Variants in KCNH1 observed in about 807,000 individuals in gnomAD.
The protein encoded by KCNH1 is voltage-gated delayed rectifier potassium channel KCNH1.
In KCNH1, 27 loss-of-function variants were observed where a neutral mutation model predicts 69.2. The observed-to-expected ratio is 0.39, with a 90% confidence interval of 0.29 to 0.54. The LOEUF (loss-of-function observed/expected upper bound fraction) is 0.54, where lower values mean the gene tolerates loss of function less well. Among genes scored for constraint, KCNH1 ranks in the 20% least tolerant of loss-of-function variants. KCNH1 has a pLI of 0.68. For synonymous variants in KCNH1, 456 were observed against 487.7 expected (o/e 0.93, Z 0.86); for missense variants, 798 against 1,261.6 (o/e 0.63, Z 5.57).
intron 6 of KCNH1, among the ~76,000 whole-genome samples, chr1:210,970,337 TC>T (rs1370188851): frequency 6.7e-6 from 1 of 149,932 alleles, no homozygotes; most frequent in East Asian, 2.0e-4. Flanking sequence ...ATTGTTCAAC[TC>T]CCACTTATGA....
chr1:211,091,508 T>C (rs1255639411), intron 3 of KCNH1, among the ~76,000 whole-genome samples: 1 of 151,956 alleles, frequency 6.6e-6, no homozygotes. Context: ...AAAATAAAAA[T>C]CTAAAAGATC....
rs749290027 is a variant in KCNH1, at chr1:211,002,241, T to C, written c.1032+16542A>G. ...TTAGCATCAATGTTCAAAATATATA[T>C]GTATACGTATATATATACACACACA... On this transcript the variant is annotated intron_variant, in intron 6 of 10. Coordinates refer to ENST00000271751, the MANE Select transcript of KCNH1 (RefSeq NM_172362.3). Among the ~76,000 whole-genome samples, 6 of 149,350 alleles carry C rather than the reference T, an allele frequency of 4.0e-5. No homozygotes were observed. In the South Asian group the frequency reaches 1.1e-3, roughly 27 times the overall value.
At chr1:211,095,035 C>T (rs1033153609) in intron 3 of KCNH1, among the ~76,000 whole-genome samples, 1 of 152,206 alleles carries the variant, frequency 6.6e-6, no homozygotes, top group Non-Finnish European at 1.5e-5. Context: ...TCCATTCAGA[C>T]ACTGACTTTC....
chr1:210,821,417 G>A (rs998131345), intron 7 of KCNH1, among the ~76,000 whole-genome samples: 1 of 152,178 alleles, frequency 6.6e-6, no homozygotes, highest in African/African-American at 2.4e-5. Flanking sequence ...CACTTGGGAT[G>A]CCCCTGATCC....
At chr1:210,808,344 T>A (rs1485127759) in intron 7 of KCNH1, among the ~76,000 whole-genome samples, 1 of 152,152 alleles carries the variant, frequency 6.6e-6, no homozygotes, top group African/African-American at 2.4e-5. Flanking sequence ...GTCCATGATC[T>A]GAGAGAACCA....
intron 6 of KCNH1, among the ~76,000 whole-genome samples, chr1:210,962,027 A>G (rs1032453820): frequency 3.9e-5 from 6 of 152,068 alleles, no homozygotes; most frequent in African/African-American, 7.2e-5. Flanking sequence ...GTTTTTACAC[A>G]GGCCTGCTAT....
intron 1 of KCNH1, among the ~76,000 whole-genome samples, chr1:211,132,073 C>A (rs781755448): frequency 2.0e-5 from 3 of 152,194 alleles, no homozygotes; most frequent in Non-Finnish European, 2.9e-5. Flanking sequence ...ATGTAAGTTT[C>A]TCTTCCTGCT....
intron 10 of KCNH1, among the ~76,000 whole-genome samples, chr1:210,735,778 C>T (rs997578287): frequency 6.7e-6 from 1 of 150,004 alleles, no homozygotes; most frequent in African/African-American, 2.5e-5. Flanking sequence ...CATGCACATG[C>T]ATGCATGCAT....
chr1:211,105,050 G>A (rs373542874), intron 2 of KCNH1, among the ~76,000 whole-genome samples: 3 of 152,168 alleles, frequency 2.0e-5, no homozygotes, highest in Admixed American at 6.5e-5. Flanking sequence ...CCGTATCACA[G>A]TTGTTATCTT....
chr1:210,890,999 A>G (rs151123362), intron 7 of KCNH1, among the ~76,000 whole-genome samples: 2,853 of 152,318 alleles, frequency 0.019, 56 homozygotes, highest in South Asian at 0.071. Context: ...TCAAGAATCT[A>G]GAACTAGAAA....
intron 6 of KCNH1, among the ~76,000 whole-genome samples, chr1:210,954,085 G>C (rs1024935754): frequency 2.6e-5 from 4 of 151,734 alleles, no homozygotes; most frequent in African/African-American, 4.8e-5. Context: ...GCCCCAGTGT[G>C]TGATGTTCCC....
At chr1:210,827,507 T>C (rs1685057471) in intron 7 of KCNH1, among the ~76,000 whole-genome samples, 1 of 152,212 alleles carries the variant, frequency 6.6e-6, no homozygotes, top group Admixed American at 6.5e-5. Flanking sequence ...ATTTCTATGC[T>C]AAATGAGCTT....
chr1:210,806,836 A>AAAATATATATATAT (rs1553346591), intron 7 of KCNH1, among the ~76,000 whole-genome samples: 2 of 85,650 alleles, frequency 2.3e-5, no homozygotes, highest in East Asian at 4.2e-4. Context: ...AAAAAAAAAA[A>AAAATATATATATAT]ATATATATAT....
intron 7 of KCNH1, among the ~76,000 whole-genome samples, chr1:210,850,706 T>C (rs1685681752): frequency 6.6e-6 from 1 of 151,914 alleles, no homozygotes; most frequent in African/African-American, 2.4e-5. Flanking sequence ...GACACAGCAG[T>C]CTCAACAGCA....
intron 7 of KCNH1, among the ~76,000 whole-genome samples, chr1:210,899,983 C>T (rs1166459784): frequency 6.6e-6 from 1 of 152,204 alleles, no homozygotes; most frequent in African/African-American, 2.4e-5. Flanking sequence ...AAAGACCCAT[C>T]GTGAGGGAAG....
intron 7 of KCNH1, among the ~76,000 whole-genome samples, chr1:210,908,647 G>C (rs1336057730): frequency 6.6e-6 from 1 of 152,158 alleles, no homozygotes; most frequent in African/African-American, 2.4e-5. Context: ...AGAGTTTACT[G>C]TCGTTTCCCC....
At chr1:210,887,851 G>C (rs1046050953) in intron 7 of KCNH1, among the ~76,000 whole-genome samples, 1 of 151,820 alleles carries the variant, frequency 6.6e-6, no homozygotes, top group Non-Finnish European at 1.5e-5. Flanking sequence ...ACACAACAAG[G>C]AGAGCTAACT....
chr1:211,019,064 G>GTT lies in KCNH1; in HGVS notation c.750_751insAA (p.Leu251AsnfsTer31), dbSNP rs1174822158. On this transcript the variant is annotated frameshift_variant, in exon 6 of 11. Transcript: ENST00000271751. LOFTEE classifies it high-confidence loss of function. ...ACATCCACGATGCTATCAACAACCAGCCAGGCCACATTATTCTGCCTGGTT... is the reference window on the plus strand; with the variant it reads ...ACATCCACGATGCTATCAACAACCAGTTCCAGGCCACATTATTCTGCCTGGTT... 2 of 1,613,876 alleles carry GTT rather than the reference G, an allele frequency of 1.2e-6. No homozygotes were observed. The highest frequency in any genetic ancestry group is 1.7e-6 in the Non-Finnish European group (2 of 1,179,976).
intron 6 of KCNH1, among the ~76,000 whole-genome samples, chr1:210,926,928 G>A (rs570804834): frequency 3.9e-4 from 59 of 152,220 alleles, no homozygotes; most frequent in African/African-American, 1.4e-3. Flanking sequence ...AAATGCACTG[G>A]AAAGTCTCAG....
Sources: allele counts gnomAD v4.1 joint callset (sites outside exome capture counted in the v4.1 genomes callset), GRCh38; gene constraint gnomAD v4.1.1; transcripts MANE v1.5; gene names NCBI Gene and HGNC (gene_info 2026-07-23, HGNC 2026-07-21).